TAL1: variants seen among roughly 807,000 people sequenced by gnomAD.
TAL1 encodes the protein T-cell acute lymphocytic leukemia protein 1.
TAL1 carries 8 observed loss-of-function variants against 17.9 expected under a neutral mutation model. That is an observed-to-expected ratio of 0.45 (90% CI 0.26 to 0.81). The LOEUF (loss-of-function observed/expected upper bound fraction) is 0.81. Ranked by LOEUF, TAL1 falls within the 30% of genes least tolerant of loss-of-function variation. The pLI, the probability that TAL1 is intolerant of heterozygous loss-of-function variation, is 0.17. For synonymous variants in TAL1, 223 were observed against 218.6 expected, an observed-to-expected ratio of 1.02 and a Z score of -0.18; for missense variants, 466 against 486.9, an observed-to-expected ratio of 0.96 and a Z score of 0.40.
At chr1:47,231,962 C>T (rs1404237729), upstream of TAL1, among the ~76,000 whole-genome samples, 6 of 152,238 alleles carry the variant, frequency 3.9e-5, no homozygotes, top group East Asian at 1.2e-3. Context: ...AGAGAGTCTC[C>T]GAGGCGGGAG....
chr1:47,226,122 A>G (rs904162904), intron 1 of TAL1: 30 of 488,278 alleles, frequency 6.1e-5, no homozygotes, highest in Non-Finnish European at 1.0e-4. Flanking sequence ...CCTGGGAGAC[A>G]CAGAGACTGA....
At position 47,219,894 on chromosome 1, in the gene TAL1, G is replaced by GGCGCCCCCCCCCCCCCCCCCCCCCC; in HGVS notation, c.821_822insGGGGGGGGGGGGGGGGGGGGGGCGC (p.Ala275GlyfsTer13). ...CTTGCAGGAGGTCATCTGGGGGCGCGCCGCCCCCTCCCCCACCTCCACCCC... is the reference window on the plus strand; with the variant it reads ...CTTGCAGGAGGTCATCTGGGGGCGCGGCGCCCCCCCCCCCCCCCCCCCCCCCCGCCCCCTCCCCCACCTCCACCCC... On this transcript the variant is annotated frameshift_variant, in exon 4 of 4. Transcript: ENST00000294339. LOFTEE classifies it high-confidence loss of function. The GGCGCCCCCCCCCCCCCCCCCCCCCC allele has an allele frequency of 1.3e-6, 2 of 1,556,030 alleles. No homozygotes were observed. Among genetic ancestry groups the GGCGCCCCCCCCCCCCCCCCCCCCCC allele is most frequent in the East Asian group, 2.3e-5 (1 of 43,968 alleles).
chr1:47,225,838 C>G, exon 2 of TAL1: 1 of 1,584,432 alleles, frequency 6.3e-7, no homozygotes, highest in Non-Finnish European at 8.5e-7. Flanking sequence ...CGTCCCGTCC[C>G]TCTAGCTGGG....
exon 4 of TAL1, chr1:47,219,478 C>A (rs1179038816): frequency 2.9e-6 from 2 of 700,212 alleles, no homozygotes; most frequent in South Asian, 1.5e-5. Flanking sequence ...AGAGGGAAGA[C>A]CGTGCCGTCT....
chr1:47,225,641 T>G, exon 2 of TAL1: 1 of 1,385,584 alleles, frequency 7.2e-7, no homozygotes, highest in Non-Finnish European at 9.3e-7. Context: ...ATGGCGCGCT[T>G]CGGCCGTCGC....
Position 47,219,964 on chromosome 1 carries a change from G to C in TAL1, c.752C>G (p.Thr251Ser). 1.9e-6 allele frequency: 3 copies of C among 1,577,980 alleles called. No homozygotes were observed. In the South Asian group the frequency reaches 3.5e-5, roughly 18 times the overall value. ...GTCCTTGCCAGTCTTGGCCCGCTGGGTGCCCTCCTCCTCCTGGTCATTGAG... is the reference window on the plus strand; with the variant it reads ...GTCCTTGCCAGTCTTGGCCCGCTGGCTGCCCTCCTCCTCCTGGTCATTGAG... Residue 251 changes from threonine to serine, a missense_variant, in exon 4 of 4, where the codon ACC becomes AGC. Thr to Ser is a moderately conservative substitution (Grantham distance 58). Coordinates refer to ENST00000294339, the Ensembl canonical transcript of TAL1.
chr1:47,220,865 A>G (rs1040122041), intron 3 of TAL1, among the ~76,000 whole-genome samples: 1 of 152,226 alleles, frequency 6.6e-6, no homozygotes, highest in Non-Finnish European at 1.5e-5. Context: ...TGGGGAAACG[A>G]ATATTAAAAA....
At chr1:47,225,783 C>A in exon 2 of TAL1, 1 of 1,558,620 alleles carries the variant, frequency 6.4e-7, no homozygotes, top group East Asian at 2.5e-5. Flanking sequence ...TTGGCGACGC[C>A]GTTCAGCAGG....
exon 4 of TAL1, chr1:47,220,039 T>C (rs1645587866): frequency 2.5e-6 from 4 of 1,613,790 alleles, no homozygotes; most frequent in Non-Finnish European, 3.4e-6. Context: ...GAGGATCTCA[T>C]TCTTGCTGAG....
intron 2 of TAL1, 117 bp from the exon 4 acceptor site, chr1:47,224,215 C>T (rs1643875045): frequency 2.4e-6 from 2 of 841,854 alleles, no homozygotes; most frequent in Non-Finnish European, 3.9e-6. Flanking sequence ...ACCCTGGTCC[C>T]TTCACACTTG....
chr1:47,228,795 C>T (rs984552201), intron 1 of TAL1: 1 of 158,274 alleles, frequency 6.3e-6, no homozygotes, highest in Non-Finnish European at 1.4e-5. Flanking sequence ...GGCCTCAGGC[C>T]TGGGATCAGG....
chr1:47,225,969 G>A (rs1189034599), intron 1 of TAL1, 80 bp from the exon 3 acceptor site: 1 of 1,395,954 alleles, frequency 7.2e-7, no homozygotes, highest in East Asian at 2.8e-5. Context: ...GGGTAAAGGG[G>A]AGAAGGGCAG....
chr1:47,225,581 G>A lies in TAL1; in HGVS notation c.308C>T (p.Pro103Leu), dbSNP rs1643894919. 4.7e-6 allele frequency: 6 copies of A among 1,285,280 alleles called. No homozygotes were observed. The East Asian group carries it at 1.6e-4, about 34-fold the overall frequency. The allele number at this position is 1,285,280 out of a possible 1,614,324, so 79.6% of individuals were successfully genotyped here. Residue 103 changes from proline (P) to leucine (L), a missense_variant, in exon 2 of 4, where the codon CCC (proline) becomes CTC (leucine). Pro to Leu is a moderately conservative substitution (Grantham distance 98). Transcript: ENST00000294339. ...CTCCGCTGTAACCGAGGCGGGCGCG[G>A]GGGCCGGGGCGGGCCCGGGAGGTCT...
chr1:47,221,318 G>C (rs1441072596), intron 3 of TAL1, among the ~76,000 whole-genome samples: 1 of 152,128 alleles, frequency 6.6e-6, no homozygotes, highest in Non-Finnish European at 1.5e-5. Context: ...GCTTCTGAAG[G>C]CTGCCTCAGT....
At chr1:47,229,602 T>C (rs1202996730) in exon 1 of TAL1, 1 of 161,080 alleles carries the variant, frequency 6.2e-6, no homozygotes, top group African/African-American at 2.4e-5. Context: ...AGCTATTTAG[T>C]CCAACAGCAA....
upstream of TAL1, chr1:47,230,963 C>A (rs1245810716): frequency 1.3e-5 from 2 of 152,266 alleles, no homozygotes; most frequent in Non-Finnish European, 2.9e-5. Flanking sequence ...TGTCCCCACC[C>A]GAGGCTCGAG....
chr1:47,224,206 C>T (rs1001360112), intron 2 of TAL1, 108 bp from the exon 4 acceptor site: 3 of 959,532 alleles, frequency 3.1e-6, no homozygotes, highest in African/African-American at 1.6e-5. Flanking sequence ...CTCTGGGCAA[C>T]CCTGGTCCCT....
chr1:47,218,574 G>A (rs1349373024), exon 4 of TAL1: 1 of 232,936 alleles, frequency 4.3e-6, no homozygotes, highest in Non-Finnish European at 8.5e-6. Context: ...GCATATGTTT[G>A]GGTCTTAGCC....
exon 3 of TAL1, chr1:47,224,098 G>A (rs202230062): frequency 2.6e-5 from 42 of 1,613,442 alleles, no homozygotes; most frequent in Admixed American, 5.0e-5. Flanking sequence ...CAAAGAACCC[G>A]CTGTGGGAGG....
Sources: allele counts gnomAD v4.1 joint callset (sites outside exome capture counted in the v4.1 genomes callset), GRCh38; gene constraint gnomAD v4.1.1; transcripts MANE v1.5; gene names NCBI Gene and HGNC (gene_info 2026-07-23, HGNC 2026-07-21).